The following ATXN10 variants were observed in gnomAD, a reference collection of about 807,000 sequenced individuals.
The protein encoded by ATXN10 is ataxin 10.
ATXN10 carries 28 observed loss-of-function variants against 52.9 expected under a neutral mutation model. That is an observed-to-expected ratio of 0.53 (90% CI 0.39 to 0.73). The LOEUF is 0.73. Ranked by LOEUF, ATXN10 falls within the 30% of genes least tolerant of loss-of-function variation. ATXN10 has a pLI of 0.00. For synonymous variants in ATXN10, 226 were observed against 221.5 expected, an observed-to-expected ratio of 1.02 and a Z score of -0.18; for missense variants, 565 against 577.0, an observed-to-expected ratio of 0.98 and a Z score of 0.21.
rs898436510 is a variant in ATXN10, at chr22:45,728,800, T to A, written c.729-625T>A. ...TGATGTAAAAATGGCACAGTCTTGG[T>A]CTTCAGATTTGTGTTTGTGTAAACT... On this transcript the variant is annotated intron_variant, in intron 6 of 11. Transcript: ENST00000252934. This position sits in a 1 kb window ranked among gnomAD's most constrained non-coding sequence, Gnocchi z 4.3. Among the ~76,000 whole-genome samples the A allele has an allele frequency of 1.3e-5, 2 of 152,212 alleles. No individual in the cohort carries two copies. The highest frequency in any genetic ancestry group is 4.8e-5 in the African/African-American group (2 of 41,440).
Position 45,741,002 on chromosome 22 carries a change from G to T in ATXN10, c.1173+464G>T, listed in dbSNP as rs73886501. ...TTGAGGACCTAGTAGGCTGCTTTTAGAAACCTCTTATGTGCAGAAGAGCTT... is the reference window on the plus strand; with the variant it reads ...TTGAGGACCTAGTAGGCTGCTTTTATAAACCTCTTATGTGCAGAAGAGCTT... On this transcript the variant is annotated intron_variant, in intron 9 of 11. Coordinates refer to ENST00000252934, the MANE Select transcript of ATXN10 (RefSeq NM_013236.4). Among the ~76,000 whole-genome samples the T allele has an allele frequency of 3.4e-3, 510 of 152,190 alleles. 4 individuals are homozygous for T. Among genetic ancestry groups the T allele is most frequent in the African/African-American group, 0.012 (486 of 41,520 alleles).
At position 45,744,100 on chromosome 22, in the gene ATXN10, G is replaced by T. The variant is rs924960050; in HGVS notation, c.1173+3562G>T. 2.6e-5 allele frequency among the ~76,000 whole-genome samples: 4 copies of T among 152,146 alleles called. No homozygotes were observed. The highest frequency in any genetic ancestry group is 9.7e-5 in the African/African-American group (4 of 41,428). ...TCTGATTCACCCATTCATCAAATAC[G>T]AATGTTTGCTGGCTTGGGGATCCTT... On this transcript the variant is annotated intron_variant, in intron 9 of 11. Transcript: ENST00000252934. This position sits in a 1 kb window ranked among gnomAD's most constrained non-coding sequence, Gnocchi z 4.9.
At position 45,681,145 on chromosome 22, in the gene ATXN10, G is replaced by A. The variant is rs1031702946; in HGVS notation, c.117-8567G>A. Among the ~76,000 whole-genome samples, 1 of 152,122 alleles carries A rather than the reference G, an allele frequency of 6.6e-6. No individual in the cohort carries two copies. Among genetic ancestry groups the A allele is most frequent in the African/African-American group, 2.4e-5 (1 of 41,420 alleles). On this transcript the variant is annotated intron_variant, in intron 1 of 11. Transcript: ENST00000252934. The surrounding 1 kb of genome is among the most constrained non-coding windows in gnomAD (Gnocchi z 4.2). Reference sequence around the variant, plus strand: ...TCTGCCTCATTCCTTGAAGAGTTTAGCCCTGGCTCACTTTTCACTCTATTT... The same window carrying A: ...TCTGCCTCATTCCTTGAAGAGTTTAACCCTGGCTCACTTTTCACTCTATTT...
intron 9 of ATXN10, chr22:45,793,916 T>G (rs1927611444): frequency 8.3e-7 from 1 of 1,201,750 alleles, no homozygotes; most frequent in Non-Finnish European, 1.0e-6. Flanking sequence ...TGCTGCTCCT[T>G]GCAGAGCAGG....
At position 45,701,979 on chromosome 22, in the gene ATXN10, T is replaced by A. The variant is rs548943584; in HGVS notation, c.489-710T>A. On this transcript the variant is annotated intron_variant, in intron 4 of 11. Coordinates refer to ENST00000252934, the MANE Select transcript of ATXN10 (RefSeq NM_013236.4). The surrounding 1 kb of genome is among the most constrained non-coding windows in gnomAD (Gnocchi z 4.2). ...AACATATTAAGAGAGGTTCTTTGCC[T>A]TCACTTTTTATGCATTTATGGGACA... is the stretch of plus-strand genomic sequence containing the variant. Among the ~76,000 whole-genome samples, 1 of 152,368 alleles carries A rather than the reference T, an allele frequency of 6.6e-6. No homozygotes were observed. Among genetic ancestry groups the A allele is most frequent in the East Asian group, 1.9e-4 (1 of 5,194 alleles).
At chr22:45,801,482 A>G (rs564409194) in intron 9 of ATXN10, among the ~76,000 whole-genome samples, 1 of 152,348 alleles carries the variant, frequency 6.6e-6, no homozygotes, top group East Asian at 1.9e-4. Flanking sequence ...AAGTGGCACA[A>G]AACACCATGG....
rs778792161 is a variant in ATXN10, at chr22:45,842,988, C to A, written c.1238-3C>A. 1.9e-6 allele frequency: 3 copies of A among 1,614,072 alleles called. No individual in the cohort carries two copies. The highest frequency in any genetic ancestry group is 2.5e-6 in the Non-Finnish European group (3 of 1,179,954). ...TTGTCACATTCCTTCACTCTGGCTCCAGTTCTGACCCAGTGGGTGATATAT... is the reference window on the plus strand; with the variant it reads ...TTGTCACATTCCTTCACTCTGGCTCAAGTTCTGACCCAGTGGGTGATATAT... On this transcript the variant is annotated splice_polypyrimidine_tract_variant and splice_region_variant and intron_variant, in intron 10 of 11. Coordinates refer to ENST00000252934, the MANE Select transcript of ATXN10 (RefSeq NM_013236.4). The surrounding 1 kb of genome is among the most constrained non-coding windows in gnomAD (Gnocchi z 4.8).
intron 1 of ATXN10, among the ~76,000 whole-genome samples, chr22:45,682,671 T>G (rs1177116763): frequency 2.0e-5 from 3 of 152,196 alleles, no homozygotes; most frequent in Admixed American, 2.0e-4. Flanking sequence ...CACATTCTAC[T>G]TGTATTTCTA....
At chr22:45,737,277 T>C (rs1425721866) in intron 7 of ATXN10, among the ~76,000 whole-genome samples, 1 of 152,240 alleles carries the variant, frequency 6.6e-6, no homozygotes, top group African/African-American at 2.4e-5. Context: ...AGCGTCTTTG[T>C]TGTCTGCTAT....
chr22:45,816,184 C>T lies in ATXN10; in HGVS notation c.1237+9162C>T, dbSNP rs1279779371. On this transcript the variant is annotated intron_variant, in intron 10 of 11. Transcript: ENST00000252934. The surrounding 1 kb of genome is among the most constrained non-coding windows in gnomAD (Gnocchi z 5.8). Reference sequence around the variant, plus strand: ...AGGAGAATCGCTTGAACCTGCAAGGCGCAGGTTGTAGTGAGCTGAGATTGT... The same window carrying T: ...AGGAGAATCGCTTGAACCTGCAAGGTGCAGGTTGTAGTGAGCTGAGATTGT... Among the ~76,000 whole-genome samples, 2 of 152,138 alleles carry T rather than the reference C, an allele frequency of 1.3e-5. No homozygotes were observed. Among genetic ancestry groups the T allele is most frequent in the African/African-American group, 2.4e-5 (1 of 41,432 alleles).
At chr22:45,686,115 C>G (rs1046000095) in intron 1 of ATXN10, among the ~76,000 whole-genome samples, 1 of 152,126 alleles carries the variant, frequency 6.6e-6, no homozygotes, top group Non-Finnish European at 1.5e-5. Context: ...GAGCTGATGC[C>G]TCACTTTCCC....
chr22:45,725,285 A>G (rs1463715378), intron 6 of ATXN10, among the ~76,000 whole-genome samples: 5 of 152,082 alleles, frequency 3.3e-5, no homozygotes, highest in Admixed American at 2.0e-4. Flanking sequence ...CTAATCCATG[A>G]GCATGGGATG....
chr22:45,772,924 A>G lies in ATXN10; in HGVS notation c.1173+32386A>G, dbSNP rs930138995. ...TATGTACATCCTCCCGTATACTTCA[A>G]ACCATCTGTAGACTTCTTATAATAC... is the stretch of plus-strand genomic sequence containing the variant. On this transcript the variant is annotated intron_variant, in intron 9 of 11. Transcript: ENST00000252934. The surrounding 1 kb of genome is among the most constrained non-coding windows in gnomAD (Gnocchi z 4.1). 7.9e-5 allele frequency among the ~76,000 whole-genome samples: 12 copies of G among 152,256 alleles called. No homozygotes were observed. The highest frequency in any genetic ancestry group is 2.4e-4 in the African/African-American group (10 of 41,464).
intron 10 of ATXN10, among the ~76,000 whole-genome samples, chr22:45,822,523 ATTTTTTT>A (rs763159693): frequency 1.2e-4 from 12 of 96,634 alleles, no homozygotes; most frequent in East Asian, 2.8e-4. Context: ...AATTTCTCCA[ATTTTTTT>A]TTTTTTTTTT....
rs924960411 is a variant in ATXN10 at position 45,744,462 on chromosome 22, G to A, written c.1173+3924G>A. 6.6e-5 allele frequency: 10 copies of A among 152,120 alleles called. No individual in the cohort carries two copies. Among genetic ancestry groups the A allele is most frequent in the Non-Finnish European group, 1.3e-4 (9 of 68,012 alleles). The allele number at this position is 152,120 out of a possible 1,614,324, so 9.4% of individuals were successfully genotyped here. A position where few individuals can be genotyped will look rare whatever the true frequency, so the allele number is the denominator to read the frequency against. On this transcript the variant is annotated intron_variant, in intron 9 of 11. Coordinates refer to ENST00000252934, the MANE Select transcript of ATXN10 (RefSeq NM_013236.4). The surrounding 1 kb of genome is among the most constrained non-coding windows in gnomAD (Gnocchi z 4.9). ...AGCCTTATGATACCTCTGTGGAAAG[G>A]GCTGAAAAGATATTTCCACCATCAT... is the stretch of plus-strand genomic sequence containing the variant.
chr22:45,803,541 G>A (rs1269758911), intron 9 of ATXN10, among the ~76,000 whole-genome samples: 1 of 152,150 alleles, frequency 6.6e-6, no homozygotes, highest in Admixed American at 6.5e-5. Context: ...TGTTCCAGAA[G>A]GGTTTGGATC....
rs964560884 is a variant in ATXN10, at chr22:45,759,332, T to G, written c.1173+18794T>G. 3.3e-5 allele frequency among the ~76,000 whole-genome samples: 5 copies of G among 152,086 alleles called. No homozygotes were observed. Among genetic ancestry groups the G allele is most frequent in the African/African-American group, 1.2e-4 (5 of 41,406 alleles). On this transcript the variant is annotated intron_variant, in intron 9 of 11. Coordinates refer to ENST00000252934, the MANE Select transcript of ATXN10 (RefSeq NM_013236.4). The surrounding 1 kb of genome is among the most constrained non-coding windows in gnomAD (Gnocchi z 5.4). Reference sequence around the variant, plus strand: ...TTCAAGACCAGCCTGGCTAACATGGTGAAACCCTGTCTCTACTAAAAATAC... The same window carrying G: ...TTCAAGACCAGCCTGGCTAACATGGGGAAACCCTGTCTCTACTAAAAATAC...
chr22:45,746,087 A>G (rs1036483251), intron 9 of ATXN10, among the ~76,000 whole-genome samples: 1 of 152,070 alleles, frequency 6.6e-6, no homozygotes, highest in Admixed American at 6.6e-5. Flanking sequence ...TCTGTATTGT[A>G]TAATATTTGC....
At chr22:45,817,514 G>A (rs1472531009) in intron 10 of ATXN10, among the ~76,000 whole-genome samples, 7 of 151,858 alleles carry the variant, frequency 4.6e-5, no homozygotes, top group African/African-American at 4.8e-5. Flanking sequence ...CAGTAGAGAC[G>A]GGGTTTCACC....
Sources: allele counts gnomAD v4.1 joint callset (sites outside exome capture counted in the v4.1 genomes callset), GRCh38; gene constraint gnomAD v4.1.1; non-coding constraint Gnocchi (gnomAD v3.1); transcripts MANE v1.5; gene names NCBI Gene and HGNC (gene_info 2026-07-23, HGNC 2026-07-21).